Variants in GSK3B observed in about 807,000 individuals in gnomAD.
GSK3B encodes glycogen synthase kinase-3 beta.
A neutral mutation model predicts 56.4 loss-of-function variants in GSK3B; 15 were observed. That is an observed-to-expected ratio of 0.27 (90% confidence interval 0.18 to 0.41). The LOEUF (loss-of-function observed/expected upper bound fraction) is 0.41, where lower values mean the gene tolerates loss of function less well. GSK3B is among the 10% of genes least tolerant of loss of function. The pLI, the probability that GSK3B is intolerant of heterozygous loss-of-function variation, is 1.00. For synonymous variants in GSK3B, 181 were observed against 188.9 expected, an observed-to-expected ratio of 0.96 and a Z score of 0.34; for missense variants, 300 against 513.4, an observed-to-expected ratio of 0.58 and a Z score of 4.02.
At chr3:119,884,785 A>C (rs937497217) in intron 7 of GSK3B, among the ~76,000 whole-genome samples, 6 of 152,166 alleles carry the variant, frequency 3.9e-5, no homozygotes, top group Admixed American at 2.0e-4. Flanking sequence ...CAAGTTTCAA[A>C]AGTTAAATAG....
intron 8 of GSK3B, among the ~76,000 whole-genome samples, chr3:119,867,393 G>A (rs572052190): frequency 2.0e-5 from 3 of 152,166 alleles, no homozygotes; most frequent in Admixed American, 1.3e-4. Context: ...GGCTTTGCCC[G>A]CTCATACCCT....
chr3:119,898,749 A>G (rs970273367), intron 7 of GSK3B, among the ~76,000 whole-genome samples: 9 of 152,170 alleles, frequency 5.9e-5, no homozygotes, highest in African/African-American at 2.2e-4. Flanking sequence ...GATGCCTGAA[A>G]ACATACGTAG....
At chr3:119,903,485 A>C (rs1391039973) in intron 7 of GSK3B, among the ~76,000 whole-genome samples, 3 of 152,224 alleles carry the variant, frequency 2.0e-5, no homozygotes, top group Admixed American at 2.0e-4. Flanking sequence ...CATTTTGGAA[A>C]AAATAAGCAC....
At chr3:119,999,118 T>G (rs984064392) in intron 2 of GSK3B, among the ~76,000 whole-genome samples, 18 of 152,274 alleles carry the variant, frequency 1.2e-4, no homozygotes, top group Admixed American at 1.2e-3. Flanking sequence ...TTAGGGTATA[T>G]CCACACAATA....
intron 1 of GSK3B, among the ~76,000 whole-genome samples, chr3:120,043,189 C>T (rs2058077274): frequency 1.3e-5 from 2 of 152,238 alleles, no homozygotes; most frequent in South Asian, 4.2e-4. Context: ...CTTCTAACCA[C>T]TAAAACCGCA....
intron 9 of GSK3B, among the ~76,000 whole-genome samples, chr3:119,851,243 T>A (rs986708149): frequency 6.6e-6 from 1 of 152,226 alleles, no homozygotes; most frequent in African/African-American, 2.4e-5. Context: ...TTTTGCTGCA[T>A]TGTTTTATAC....
chr3:119,828,881 T>C (rs1414492808), intron 10 of GSK3B, among the ~76,000 whole-genome samples: 1 of 152,244 alleles, frequency 6.6e-6, no homozygotes, highest in Non-Finnish European at 1.5e-5. Flanking sequence ...GCTTCTAATC[T>C]TGTTGTCATG....
intron 2 of GSK3B, among the ~76,000 whole-genome samples, chr3:119,975,218 A>T (rs1462263475): frequency 1.3e-5 from 2 of 152,180 alleles, no homozygotes; most frequent in Non-Finnish European, 2.9e-5. Context: ...AGGCCGAGGC[A>T]GGTGGATCAC....
chr3:120,031,118 T>C (rs554755344), intron 1 of GSK3B, among the ~76,000 whole-genome samples: 7 of 152,336 alleles, frequency 4.6e-5, no homozygotes, highest in Middle Eastern at 3.4e-3. Flanking sequence ...AAAAATTACA[T>C]GGACCAAAGT....
intron 2 of GSK3B, among the ~76,000 whole-genome samples, chr3:119,968,132 G>A (rs537539635): frequency 6.6e-6 from 1 of 152,194 alleles, no homozygotes; most frequent in East Asian, 1.9e-4. Flanking sequence ...TGGATTACAG[G>A]CGTGAGCCAC....
At chr3:119,845,174 A>G (rs2055838454) in intron 9 of GSK3B, among the ~76,000 whole-genome samples, 1 of 152,122 alleles carries the variant, frequency 6.6e-6, no homozygotes, top group South Asian at 2.1e-4. Flanking sequence ...AAATAGTAAG[A>G]GCTATTTATG....
chr3:120,055,585 T>C (rs1370526653), intron 1 of GSK3B, among the ~76,000 whole-genome samples: 1 of 152,144 alleles, frequency 6.6e-6, no homozygotes, highest in South Asian at 2.1e-4. Context: ...AACTGGGAGT[T>C]AGAGTGAGGA....
At chr3:119,861,522 AAAC>A (rs1217708773) in intron 9 of GSK3B, among the ~76,000 whole-genome samples, 2 of 151,888 alleles carry the variant, frequency 1.3e-5, no homozygotes, top group African/African-American at 2.4e-5. Flanking sequence ...AAAAAAAAAA[AAAC>A]AAAACAAACA....
chr3:120,029,617 C>T (rs2057958359), intron 1 of GSK3B: 1 of 562,082 alleles, frequency 1.8e-6, no homozygotes, highest in African/African-American at 1.9e-5. Flanking sequence ...GGGAGGCTTG[C>T]CATTATTTCC....
At chr3:119,981,910 C>A (rs532076348) in intron 2 of GSK3B, among the ~76,000 whole-genome samples, 97 of 152,338 alleles carry the variant, frequency 6.4e-4, no homozygotes, top group East Asian at 4.4e-3. Flanking sequence ...CCCTGACCCC[C>A]GTATAGCCTA....
intron 10 of GSK3B, among the ~76,000 whole-genome samples, chr3:119,835,088 C>A (rs1455056577): frequency 6.6e-6 from 1 of 152,190 alleles, no homozygotes; most frequent in African/African-American, 2.4e-5. Context: ...GGATGCAACA[C>A]TGTACCTAAA....
intron 2 of GSK3B, among the ~76,000 whole-genome samples, chr3:119,964,127 A>G (rs1346579865): frequency 1.3e-5 from 2 of 152,244 alleles, no homozygotes; most frequent in Admixed American, 6.5e-5. Flanking sequence ...AGTTAATTTC[A>G]GAAAATATAA....
chr3:120,060,480 C>T (rs1017140900), intron 1 of GSK3B, among the ~76,000 whole-genome samples: 4 of 152,044 alleles, frequency 2.6e-5, no homozygotes, highest in Non-Finnish European at 5.9e-5. Context: ...GTAATCTCAG[C>T]ACTTAGGGAG....
rs2055494103 is a variant in GSK3B, at chr3:119,825,755, A to G, written c.*1033T>C. On this transcript the variant is annotated 3_prime_UTR_variant, in exon 11 of 11. Transcript: ENST00000264235. ...AATTTTCAATTAAAAAATATGAAAAATAAACCAGTAGATGACTGTTACAGT... is the reference window on the plus strand; with the variant it reads ...AATTTTCAATTAAAAAATATGAAAAGTAAACCAGTAGATGACTGTTACAGT... 4.4e-6 allele frequency: 1 copy of G among 224,892 alleles called. No homozygotes were observed. Among genetic ancestry groups the G allele is most frequent in the Admixed American group, 5.7e-5 (1 of 17,454 alleles). 13.9% of individuals were successfully genotyped at this position (224,892 alleles called of 1,614,324 possible).
Sources: gnomAD v4.1 joint callset for allele counts (sites outside exome capture counted in the v4.1 genomes callset) on GRCh38, gnomAD v4.1.1 for gene constraint, MANE v1.5 for transcripts, NCBI Gene and HGNC (gene_info 2026-07-23, HGNC 2026-07-21) for gene names.